Variants in DLGAP2 observed in about 807,000 individuals in gnomAD.
DLGAP2 encodes the protein disks large-associated protein 2.
A neutral mutation model predicts 100.3 loss-of-function variants in DLGAP2; 26 were observed. The ratio of observed to expected loss-of-function variants is 0.26; its 90% CI spans 0.19 to 0.36. DLGAP2 has a LOEUF of 0.36. DLGAP2 is among the 10% of genes least tolerant of loss of function. The pLI, the probability that DLGAP2 is intolerant of heterozygous loss-of-function variation, is 1.00. For synonymous variants in DLGAP2, 886 were observed against 630.1 expected, an observed-to-expected ratio of 1.41 and a Z score of -6.08; for missense variants, 1,858 against 1,453.2, an observed-to-expected ratio of 1.28 and a Z score of -4.53.
chr8:1,372,425 T>C (rs1802264007), intron 3 of DLGAP2, among the ~76,000 whole-genome samples: 2 of 152,220 alleles, frequency 1.3e-5, no homozygotes, highest in African/African-American at 4.8e-5. Context: ...CTCCCTCTCC[T>C]GGTGTGGGGA....
intron 3 of DLGAP2, among the ~76,000 whole-genome samples, chr8:1,312,304 G>C (rs371310262): frequency 6.6e-6 from 1 of 152,172 alleles, no homozygotes; most frequent in Non-Finnish European, 1.5e-5. Flanking sequence ...AGACCGCACC[G>C]AAGGCACCTA....
At chr8:1,509,703 A>G (rs1248069723) in intron 4 of DLGAP2, among the ~76,000 whole-genome samples, 3 of 152,152 alleles carry the variant, frequency 2.0e-5, no homozygotes, top group African/African-American at 4.8e-5. Context: ...TTTGTTAACA[A>G]AAAGAGAAGG....
chr8:1,171,922 C>G (rs183727099), intron 2 of DLGAP2, among the ~76,000 whole-genome samples: 1 of 152,014 alleles, frequency 6.6e-6, no homozygotes, highest in Non-Finnish European at 1.5e-5. Flanking sequence ...TTGATCCTGT[C>G]ATTATGATGT....
chr8:975,592 A>G (rs1392651979), intron 2 of DLGAP2, among the ~76,000 whole-genome samples: 1 of 152,196 alleles, frequency 6.6e-6, no homozygotes, highest in African/African-American at 2.4e-5. Flanking sequence ...CTGGCTCAAC[A>G]TCTGAAAATT....
intron 2 of DLGAP2, among the ~76,000 whole-genome samples, chr8:1,088,438 T>G (rs1804049974): frequency 6.6e-6 from 1 of 152,198 alleles, no homozygotes; most frequent in Non-Finnish European, 1.5e-5. Context: ...TCTATGGCAG[T>G]TGACCAGTAA....
intron 2 of DLGAP2, among the ~76,000 whole-genome samples, chr8:1,219,774 G>T (rs1206618378): frequency 2.6e-5 from 4 of 151,992 alleles, no homozygotes; most frequent in African/African-American, 9.7e-5. Flanking sequence ...GCTTATTACA[G>T]AATCAATTTT....
intron 3 of DLGAP2, among the ~76,000 whole-genome samples, chr8:1,488,087 C>T (rs1799276679): frequency 6.6e-6 from 1 of 152,160 alleles, no homozygotes; most frequent in African/African-American, 2.4e-5. Flanking sequence ...CAAGCTGTGG[C>T]ATATTCTTCA....
At chr8:904,356 C>T (rs1320327330) in intron 1 of DLGAP2, among the ~76,000 whole-genome samples, 1 of 152,088 alleles carries the variant, frequency 6.6e-6, no homozygotes, top group Non-Finnish European at 1.5e-5. Flanking sequence ...CCAATCTCTA[C>T]TAAAAATATA....
chr8:1,687,175 G>A (rs542464914), intron 12 of DLGAP2, among the ~76,000 whole-genome samples: 3 of 152,262 alleles, frequency 2.0e-5, no homozygotes, highest in East Asian at 3.9e-4. Context: ...GATCATTTCC[G>A]ACTCTCTGCA....
chr8:1,124,355 T>C (rs572300962), intron 2 of DLGAP2, among the ~76,000 whole-genome samples: 2 of 152,226 alleles, frequency 1.3e-5, no homozygotes, highest in Admixed American at 6.5e-5. Context: ...CCCAGACTCC[T>C]CTCTCAGGGA....
At chr8:789,784 G>C (rs909797654) in intron 1 of DLGAP2, among the ~76,000 whole-genome samples, 1 of 152,206 alleles carries the variant, frequency 6.6e-6, no homozygotes. Context: ...CGGCAATGCA[G>C]TTTAGAGACC....
intron 4 of DLGAP2, among the ~76,000 whole-genome samples, chr8:1,537,916 C>A (rs140549672): frequency 1.3e-5 from 2 of 152,306 alleles, no homozygotes; most frequent in African/African-American, 4.8e-5. Context: ...GAAGAAAGCT[C>A]TTACAATGGG....
chr8:845,686 C>CT (rs1797059527), intron 1 of DLGAP2, among the ~76,000 whole-genome samples: 1 of 152,222 alleles, frequency 6.6e-6, no homozygotes, highest in South Asian at 2.1e-4. Context: ...CAGTTTATTT[C>CT]TTTTTTTGCT....
At chr8:1,474,423 G>A (rs1352942936) in intron 3 of DLGAP2, among the ~76,000 whole-genome samples, 2 of 152,092 alleles carry the variant, frequency 1.3e-5, no homozygotes, top group African/African-American at 4.8e-5. Context: ...TCAAACGGTG[G>A]GTCTACTCTT....
intron 3 of DLGAP2, among the ~76,000 whole-genome samples, chr8:1,380,716 T>C (rs1387382083): frequency 6.6e-6 from 1 of 152,064 alleles, no homozygotes; most frequent in Non-Finnish European, 1.5e-5. Context: ...AAAAATTCTT[T>C]AATTACACGC....
At chr8:768,140 G>T (rs746317624) in intron 1 of DLGAP2, among the ~76,000 whole-genome samples, 193 of 152,116 alleles carry the variant, frequency 1.3e-3, no homozygotes, top group Middle Eastern at 3.2e-3. Context: ...TCATTGTCCA[G>T]TTGGGTTTGA....
intron 4 of DLGAP2, among the ~76,000 whole-genome samples, chr8:1,524,963 G>A (rs1800742540): frequency 6.6e-6 from 1 of 152,138 alleles, no homozygotes; most frequent in African/African-American, 2.4e-5. Flanking sequence ...ACTTCTTGGT[G>A]GTTTTGCGGG....
chr8:845,361 T>C lies in DLGAP2; in HGVS notation c.19-62551T>C, dbSNP rs1225830140. ...AAGTGGTGTGAAGGGTATGGTATTG[T>C]GGTATTTTAGGGTATGGTGTTGTGG... On this transcript the variant is annotated intron_variant, in intron 1 of 14. Coordinates refer to ENST00000637795, the MANE Select transcript of DLGAP2 (RefSeq NM_001346810.2). 2.0e-5 allele frequency among the ~76,000 whole-genome samples: 3 copies of C among 152,302 alleles called. No individual in the cohort carries two copies. In the East Asian group the frequency reaches 5.8e-4, roughly 29 times the overall value.
At chr8:1,052,817 A>G (rs926462644) in intron 2 of DLGAP2, among the ~76,000 whole-genome samples, 4 of 152,148 alleles carry the variant, frequency 2.6e-5, no homozygotes, top group African/African-American at 7.2e-5. Flanking sequence ...AAAATGGCCT[A>G]TAGAAACACA....
Sources: allele counts gnomAD v4.1 joint callset (sites outside exome capture counted in the v4.1 genomes callset), GRCh38; gene constraint gnomAD v4.1.1; transcripts MANE v1.5; gene names NCBI Gene and HGNC (gene_info 2026-07-23, HGNC 2026-07-21).